The following CLSPN variants were observed in gnomAD, a reference collection of about 807,000 sequenced individuals.
CLSPN encodes the protein claspin homolog.
In CLSPN, 85 loss-of-function variants were observed where a neutral mutation model predicts 156.3. That is an observed-to-expected ratio of 0.54 (90% confidence interval 0.46 to 0.65). The LOEUF is 0.65. Ranked by LOEUF, CLSPN falls within the 30% of genes least tolerant of loss-of-function variation. The probability of loss-of-function intolerance (pLI) is 0.00; values close to 1 mark genes in which losing one functional copy is unlikely to be tolerated. For missense variants in CLSPN, 1,407 were observed against 1,554.9 expected (o/e 0.90, Z 1.60); for synonymous variants, 534 against 542.4 (o/e 0.98, Z 0.22).
At chr1:35,754,792 G>A (rs1341720494) in intron 8 of CLSPN, among the ~76,000 whole-genome samples, 1 of 152,176 alleles carries the variant, frequency 6.6e-6, no homozygotes, top group Non-Finnish European at 1.5e-5. Context: ...TTGGTACAAT[G>A]AGAAAGAAAA....
At chr1:35,765,994 C>CTCTTT (rs60908491) in intron 1 of CLSPN, among the ~76,000 whole-genome samples, 12,420 of 106,520 alleles carry the variant, frequency 0.12, 2,073 homozygotes, top group East Asian at 0.45. Context: ...CTCTCTCTCT[C>CTCTTT]TTTTTTTTTT....
rs1263390769 is a variant in CLSPN at position 35,732,377 on chromosome 1, C to G, written c.*4119G>C. 2 of 985,208 alleles carry G rather than the reference C, an allele frequency of 2.0e-6. No homozygotes were observed. Among genetic ancestry groups the G allele is most frequent in the East Asian group, 2.3e-4 (2 of 8,824 alleles). The allele number at this position is 985,208 out of a possible 1,614,324, so 61.0% of individuals were successfully genotyped here. On this transcript the variant is annotated 3_prime_UTR_variant, in exon 25 of 25. Coordinates refer to ENST00000318121, the MANE Select transcript of CLSPN (RefSeq NM_022111.4). ...AACACCCCCTAAAAAGTCTCCCAGC[C>G]TGAGCATTAGAAACTCTCAAAGTGA... is the stretch of plus-strand genomic sequence containing the variant.
At chr1:35,729,029 C>T (rs543103592), downstream of CLSPN, among the ~76,000 whole-genome samples, 35 of 150,946 alleles carry the variant, frequency 2.3e-4, no homozygotes, top group Admixed American at 2.3e-3. Flanking sequence ...GTTTGGAAAA[C>T]CCAGATGATT....
chr1:35,736,362 G>A lies in CLSPN; in HGVS notation c.*134C>T, dbSNP rs1331305653. ...CAGAGCTGTGCAGTAGAAATCACTG[G>A]AATTTCTGTCTGCAATCTTATTGCA... is the stretch of plus-strand genomic sequence containing the variant. On this transcript the variant is annotated 3_prime_UTR_variant, in exon 25 of 25. Transcript: ENST00000318121. 2 of 1,383,220 alleles carry A rather than the reference G, an allele frequency of 1.4e-6. No homozygotes were observed. Among genetic ancestry groups the A allele is most frequent in the East Asian group, 5.2e-5 (2 of 38,394 alleles). 85.7% of individuals were successfully genotyped at this position (1,383,220 alleles called of 1,614,324 possible).
chr1:35,764,383 T>C lies in CLSPN; in HGVS notation c.465A>G (p.Ile155Met), dbSNP rs761871203. The C allele has an allele frequency of 6.2e-6, 10 of 1,613,676 alleles. 1 individual carries two copies. The South Asian group carries it at 9.9e-5, about 16-fold the overall frequency. Residue 155 changes from isoleucine (I) to methionine (M), a missense_variant, in exon 3 of 25, where the codon ATA becomes ATG. This residue lies in a region of CLSPN where 1,096 missense variants were observed against 1,193.0 expected (regional missense o/e 0.92). Transcript: ENST00000318121. ...TTDRKSSKKHIHDKEGTAGKA... is the reference protein window; with the variant it reads ...TTDRKSSKKHMHDKEGTAGKA... Reference sequence around the variant, plus strand: ...TTCCTGCAGTTCCTTCTTTATCATGTATGTGCTTTTTGGAACTCTTTCTGT... The same window carrying C: ...TTCCTGCAGTTCCTTCTTTATCATGCATGTGCTTTTTGGAACTCTTTCTGT...
At position 35,764,433 on chromosome 1, in the gene CLSPN, C is replaced by G. The variant is rs1291980130; in HGVS notation, c.415G>C (p.Gly139Arg). 1 of 1,614,058 alleles carries G rather than the reference C, an allele frequency of 6.2e-7. No individual in the cohort carries two copies. Among genetic ancestry groups the G allele is most frequent in the Non-Finnish European group, 8.5e-7 (1 of 1,180,010 alleles). ...TCAGTGGTAAAGTCTGTAGAGTTTC[C>G]AGACTGAAGACTCAGCTCTAAGCAA... The part of the protein sequence containing the change: ...KPCLELSLQS[G>R]NSTDFTTDRK... Residue 139 changes from glycine (G) to arginine (R), a missense_variant, in exon 3 of 25, where the codon GGA becomes CGA. This residue lies in a region of CLSPN where 1,096 missense variants were observed against 1,193.0 expected (regional missense o/e 0.92). Coordinates refer to ENST00000318121, the MANE Select transcript of CLSPN (RefSeq NM_022111.4).
chr1:35,761,990 T>C lies in CLSPN; in HGVS notation c.895+8A>G. 1 of 1,603,868 alleles carries C rather than the reference T, an allele frequency of 6.2e-7. No individual in the cohort carries two copies. The highest frequency in any genetic ancestry group is 1.1e-5 in the South Asian group (1 of 90,100). ...GATTTTGCCTCAAAGTTTACTGGGT[T>C]GCATTACCTCGAATAAGGCGCTGAG... On this transcript the variant is annotated splice_region_variant and intron_variant, in intron 6 of 24. Transcript: ENST00000318121.
chr1:35,742,743 C>CTT (rs563818822), intron 18 of CLSPN, among the ~76,000 whole-genome samples: 70 of 130,596 alleles, frequency 5.4e-4, no homozygotes, highest in Non-Finnish European at 9.3e-4. Context: ...AAGTGATCAA[C>CTT]TTTTTTTTTT....
At chr1:35,756,315 AG>A (rs1278013434) in intron 8 of CLSPN, among the ~76,000 whole-genome samples, 3 of 152,196 alleles carry the variant, frequency 2.0e-5, no homozygotes, top group African/African-American at 7.2e-5. Flanking sequence ...CTAGGGTAAG[AG>A]AAATGGTTGG....
chr1:35,726,181 T>C lies in CLSPN; in HGVS notation c.3910-5201A>G, dbSNP rs1477201587. Among the ~76,000 whole-genome samples the C allele has an allele frequency of 4.3e-5, 2 of 46,380 alleles. 1 individual carries two copies. The allele number at this position is 46,380 out of a possible 152,430, so 30.4% of individuals were successfully genotyped here. ...AAAAAAAAAAAAAAAAAAAAGCGCA[T>C]AGCAAAACCTGTCTCCAGGATGGCC... On this transcript the variant is annotated intron_variant, in intron 24 of 24. Coordinates refer to the CLSPN transcript ENST00000251195.
chr1:35,743,067 G>A (rs1006112860), intron 18 of CLSPN, 74 bp downstream of exon 18: 22 of 1,128,986 alleles, frequency 1.9e-5, no homozygotes, highest in Middle Eastern at 2.0e-4. Context: ...GATTACAGGC[G>A]CAAGCCACCA....
In CLSPN at chr1:35,748,606, T is replaced by G. The variant is rs952753372; in HGVS notation, c.2273-2A>C. 1 of 1,612,862 alleles carries G rather than the reference T, an allele frequency of 6.2e-7. No individual in the cohort carries two copies. Among genetic ancestry groups the G allele is most frequent in the Non-Finnish European group, 8.5e-7 (1 of 1,179,006 alleles). On this transcript the variant is annotated splice_acceptor_variant, in intron 12 of 24. Coordinates refer to ENST00000318121, the MANE Select transcript of CLSPN (RefSeq NM_022111.4). LOFTEE classifies it high-confidence loss of function. ...GCAATGAACATGAATCATCCTCATCTAAAGAAAGAGAAACACCTTTTAAGC... is the reference window on the plus strand; with the variant it reads ...GCAATGAACATGAATCATCCTCATCGAAAGAAAGAGAAACACCTTTTAAGC...
chr1:35,739,000 C>T, intron 20 of CLSPN, 136 bp downstream of exon 20: 1 of 977,862 alleles, frequency 1.0e-6, no homozygotes, highest in South Asian at 1.6e-5. Flanking sequence ...GGGGTTTCAC[C>T]ATGTTGTTCA....
In CLSPN at chr1:35,757,531, C is replaced by A. The variant is rs569070825; in HGVS notation, c.1579+2811G>T. 2.0e-5 allele frequency among the ~76,000 whole-genome samples: 3 copies of A among 152,184 alleles called. No homozygotes were observed. In the South Asian group the frequency reaches 6.2e-4, roughly 32 times the overall value. ...GTATAATGCTGGAAAAATTACCTAA[C>A]CTCTCTGAGCCTCAGTCTCTTCATT... On this transcript the variant is annotated intron_variant, in intron 8 of 24. Coordinates refer to ENST00000318121, the MANE Select transcript of CLSPN (RefSeq NM_022111.4).
chr1:35,766,027 C>T (rs1472858560), intron 1 of CLSPN, among the ~76,000 whole-genome samples: 7 of 131,266 alleles, frequency 5.3e-5, no homozygotes, highest in African/African-American at 2.0e-4. Context: ...TAGAATCTCG[C>T]TCTGTCACCC....
At chr1:35,749,282 TATAA>T (rs1180578673) in intron 12 of CLSPN, among the ~76,000 whole-genome samples, 181 bp downstream of exon 12, 1 of 152,228 alleles carries the variant, frequency 6.6e-6, no homozygotes, top group Admixed American at 6.5e-5. Flanking sequence ...CATGGTCTAC[TATAA>T]ATAAACTGCA....
At position 35,762,562 on chromosome 1, in the gene CLSPN, C is replaced by G. The variant is rs938396687; in HGVS notation, c.745-81G>C. 9 of 929,336 alleles carry G rather than the reference C, an allele frequency of 9.7e-6. No individual in the cohort carries two copies. In the Admixed American group the frequency reaches 1.1e-4, roughly 11 times the overall value. The allele number at this position is 929,336 out of a possible 1,614,324, so 57.6% of individuals were successfully genotyped here. On this transcript the variant is annotated intron_variant, in intron 4 of 24. Coordinates refer to ENST00000318121, the MANE Select transcript of CLSPN (RefSeq NM_022111.4). ...TTTAGCTGAAGACTACTTTTGTAGT[C>G]CAACACCACATCATGCTACATTAAT...
intron 16 of CLSPN, among the ~76,000 whole-genome samples, chr1:35,744,420 GC>G (rs1195655516): frequency 1.3e-5 from 2 of 152,038 alleles, no homozygotes; most frequent in African/African-American, 2.4e-5. Context: ...TCCCACCTCA[GC>G]CCCCTGAATA....
Position 35,761,085 on chromosome 1 carries a change from AG to A in CLSPN, c.1004+10del. The A allele has an allele frequency of 6.4e-7, 1 of 1,565,074 alleles. No individual in the cohort carries two copies. Among genetic ancestry groups the A allele is most frequent in the Non-Finnish European group, 8.8e-7 (1 of 1,136,920 alleles). On this transcript the variant is annotated intron_variant, in intron 7 of 24. Transcript: ENST00000318121. ...TTCATGAAAATTATAATAAGGAAAG[AG>A]GGTTCTTACTTCAATAGTGCCATGG...
Sources: allele counts gnomAD v4.1 joint callset (sites outside exome capture counted in the v4.1 genomes callset), GRCh38; gene constraint gnomAD v4.1.1; regional missense constraint gnomAD v4.1.1; transcripts MANE v1.5; gene names NCBI Gene and HGNC (gene_info 2026-07-23, HGNC 2026-07-21).